The following PDCL2 variants were observed in gnomAD, a reference collection of about 807,000 sequenced individuals.
The protein encoded by PDCL2 is phosducin like 2.
A neutral mutation model predicts 30.3 loss-of-function variants in PDCL2; 23 were observed. That is an observed-to-expected ratio of 0.76 (90% CI 0.55 to 1.08). The LOEUF is 1.08. Among genes scored for constraint, PDCL2 ranks in the 50% least tolerant of loss-of-function variants. The probability of loss-of-function intolerance (pLI) is 0.00; values close to 1 mark genes in which losing one functional copy is unlikely to be tolerated. For missense variants in PDCL2, 243 were observed against 282.3 expected (o/e 0.86, Z 1.00); for synonymous variants, 68 against 86.2 (o/e 0.79, Z 1.17).
At chr4:55,563,342 C>T (rs1242288567) in intron 4 of PDCL2, among the ~76,000 whole-genome samples, 3 of 152,150 alleles carry the variant, frequency 2.0e-5, no homozygotes, top group African/African-American at 7.2e-5. Context: ...TTCCTGTTTT[C>T]TCATCTTTCC....
rs1202912946 is a variant in PDCL2 at position 55,562,550 on chromosome 4, G to A, written c.425C>T (p.Thr142Ile). Reference protein sequence around the residue: ...LSLLARKFPETKFVKAIVNSC... With the variant: ...LSLLARKFPEIKFVKAIVNSC... ...ATTCACGATGGCTTTAACAAATTTA[G>A]TTTCTGGAAACTTTCTTGCTAGAAG... The change falls in exon 5 of 6, where the codon ACT becomes ATT. Residue 142 changes from threonine to isoleucine, a missense_variant. Thr to Ile is a moderately conservative substitution (Grantham distance 89). Coordinates refer to ENST00000295645, the MANE Select transcript of PDCL2 (RefSeq NM_152401.3). 1 of 1,605,642 alleles carries A rather than the reference G, an allele frequency of 6.2e-7. No individual in the cohort carries two copies. The highest frequency in any genetic ancestry group is 2.3e-5 in the East Asian group (1 of 44,186).
rs537705246 is a variant in PDCL2 at position 55,592,199 on chromosome 4, A to G, written c.-90T>C. 25 of 1,559,460 alleles carry G rather than the reference A, an allele frequency of 1.6e-5. No homozygotes were observed. Among genetic ancestry groups the G allele is most frequent in the Non-Finnish European group, 2.1e-5 (24 of 1,150,542 alleles). The stretch of plus-strand genomic sequence containing the variant: ...GACCCGCAGCCTTCTCCAGGCTGGA[A>G]GAGCGCCCGCTTCAGGCCCGGCGGT... On this transcript the variant is annotated 5_prime_UTR_variant, in exon 1 of 6. Coordinates refer to ENST00000295645, the MANE Select transcript of PDCL2 (RefSeq NM_152401.3).
At chr4:55,562,914 A>G (rs1212512219) in intron 4 of PDCL2, among the ~76,000 whole-genome samples, 2 of 108,882 alleles carry the variant, frequency 1.8e-5, no homozygotes, top group Non-Finnish European at 4.0e-5. Context: ...AGTTTGTAGA[A>G]AAAAAAAAAA....
intron 1 of PDCL2, among the ~76,000 whole-genome samples, chr4:55,591,090 T>G (rs745739661): frequency 1.3e-5 from 2 of 152,208 alleles, no homozygotes; most frequent in Non-Finnish European, 2.9e-5. Flanking sequence ...ATGTGCTTGC[T>G]ACGAATCCAT....
At chr4:55,571,232 C>T (rs1271597571) in intron 3 of PDCL2, among the ~76,000 whole-genome samples, 1 of 152,128 alleles carries the variant, frequency 6.6e-6, no homozygotes, top group Non-Finnish European at 1.5e-5. Context: ...TTTCCCCTTG[C>T]TCCTTCTGAC....
intron 5 of PDCL2, among the ~76,000 whole-genome samples, chr4:55,558,084 G>A (rs1177275243): frequency 2.0e-5 from 3 of 146,432 alleles, no homozygotes; most frequent in Non-Finnish European, 4.5e-5. Context: ...TCGAGATCGC[G>A]CCATTGCACT....
intron 1 of PDCL2, among the ~76,000 whole-genome samples, chr4:55,585,374 A>G (rs752790184): frequency 6.6e-6 from 1 of 152,104 alleles, no homozygotes; most frequent in Non-Finnish European, 1.5e-5. Context: ...CTAAAAATAC[A>G]AAAATTAGCT....
intron 5 of PDCL2, among the ~76,000 whole-genome samples, chr4:55,558,382 T>C (rs1481085003): frequency 6.6e-6 from 1 of 152,078 alleles, no homozygotes; most frequent in East Asian, 1.9e-4. Flanking sequence ...TATAAGGGGC[T>C]TTTTCCCCAC....
chr4:55,591,001 T>A (rs1732983255), intron 1 of PDCL2, among the ~76,000 whole-genome samples: 1 of 152,214 alleles, frequency 6.6e-6, no homozygotes, highest in Admixed American at 6.5e-5. Flanking sequence ...TGATGTTGCC[T>A]TCACTGTCAA....
intron 3 of PDCL2, among the ~76,000 whole-genome samples, chr4:55,570,953 C>T (rs1260387328): frequency 6.6e-6 from 1 of 152,162 alleles, no homozygotes; most frequent in East Asian, 1.9e-4. Flanking sequence ...GTAGAGTCTG[C>T]CCCTCCCAGG....
chr4:55,582,398 T>C (rs1320131671), intron 1 of PDCL2, among the ~76,000 whole-genome samples, 161 bp from the exon 2 acceptor site: 1 of 152,218 alleles, frequency 6.6e-6, no homozygotes, highest in African/African-American at 2.4e-5. Flanking sequence ...TTTTTCCTGC[T>C]TCCCAGCACT....
Position 55,584,168 on chromosome 4 carries a change from TA to T in PDCL2, c.7-1932del, listed in dbSNP as rs578063879. ...AGTATTTACTTTTTTGTAAATATTATAAATGGGATTATTTTCTTGATTTCTT... is the reference window on the plus strand; with the variant it reads ...AGTATTTACTTTTTTGTAAATATTATAATGGGATTATTTTCTTGATTTCTT... On this transcript the variant is annotated intron_variant, in intron 1 of 5. Transcript: ENST00000295645. Among the ~76,000 whole-genome samples, 86 of 152,360 alleles carry T rather than the reference TA, an allele frequency of 5.6e-4. No individual in the cohort carries two copies. In the South Asian group the frequency reaches 7.9e-3, roughly 14 times the overall value.
At chr4:55,587,022 T>C (rs1469594555) in intron 1 of PDCL2, among the ~76,000 whole-genome samples, 2 of 151,702 alleles carry the variant, frequency 1.3e-5, no homozygotes, top group Non-Finnish European at 2.9e-5. Flanking sequence ...TAACAAAATA[T>C]CTTAGACTGG....
chr4:55,565,922 C>T (rs1577907023), intron 4 of PDCL2, among the ~76,000 whole-genome samples: 1 of 149,306 alleles, frequency 6.7e-6, no homozygotes, highest in Non-Finnish European at 1.5e-5. Flanking sequence ...AAATTAACAG[C>T]TGTCCTTCAA....
rs189305583 is a variant in PDCL2, at chr4:55,580,834, C to A, written c.205G>T (p.Val69Phe). The change falls in exon 3 of 6, where the codon GTT (valine) becomes TTT (phenylalanine). Residue 69 changes from valine to phenylalanine, a missense_variant. Coordinates refer to ENST00000295645, the MANE Select transcript of PDCL2 (RefSeq NM_152401.3). ...DEFDEEDMQAVETYRKKRLQE... is the reference protein window; with the variant it reads ...DEFDEEDMQAFETYRKKRLQE... ...GAATCACTGTACCTATATGTTTCAA[C>A]AGCCTGCATATCTTCTTCATCAAAT... 6.2e-7 allele frequency: 1 copy of A among 1,606,084 alleles called. No homozygotes were observed. The highest frequency in any genetic ancestry group is 8.5e-7 in the Non-Finnish European group (1 of 1,176,426).
Position 55,569,867 on chromosome 4 carries a change from T to A in PDCL2, c.219-6A>T. On this transcript the variant is annotated splice_polypyrimidine_tract_variant and splice_region_variant and intron_variant, in intron 3 of 5. Coordinates refer to ENST00000295645, the MANE Select transcript of PDCL2 (RefSeq NM_152401.3). ...ATTCCTGTAACCGCTTCTTTCTAAT[T>A]AAAACATGAAATTAAATTACATAAG... is the stretch of plus-strand genomic sequence containing the variant. 2 of 1,481,084 alleles carry A rather than the reference T, an allele frequency of 1.4e-6. No homozygotes were observed. The highest frequency in any genetic ancestry group is 1.8e-6 in the Non-Finnish European group (2 of 1,094,402). 91.7% of individuals were successfully genotyped at this position (1,481,084 alleles called of 1,614,324 possible).
At chr4:55,584,196 C>A (rs1732798378) in intron 1 of PDCL2, among the ~76,000 whole-genome samples, 1 of 151,678 alleles carries the variant, frequency 6.6e-6, no homozygotes, top group Non-Finnish European at 1.5e-5. Context: ...TGATTTCTTT[C>A]TCTGATAGTT....
intron 3 of PDCL2, among the ~76,000 whole-genome samples, chr4:55,578,776 A>G (rs944391542): frequency 2.6e-5 from 4 of 152,178 alleles, no homozygotes; most frequent in African/African-American, 9.7e-5. Context: ...TGCCTAAGAT[A>G]GTATCTGCCT....
chr4:55,574,055 T>C (rs763181451), intron 3 of PDCL2, among the ~76,000 whole-genome samples: 1 of 152,052 alleles, frequency 6.6e-6, no homozygotes, highest in African/African-American at 2.4e-5. Flanking sequence ...TTTCTTGCTG[T>C]TTTGTTTTTA....
Sources: allele counts gnomAD v4.1 joint callset (sites outside exome capture counted in the v4.1 genomes callset), GRCh38; gene constraint gnomAD v4.1.1; transcripts MANE v1.5; gene names NCBI Gene and HGNC (gene_info 2026-07-23, HGNC 2026-07-21).